ZNF879: variants seen among roughly 807,000 people sequenced by gnomAD.
The protein encoded by ZNF879 is zinc finger protein 879.
In ZNF879, 32 loss-of-function variants were observed where a neutral mutation model predicts 44.3. The ratio of observed to expected loss-of-function variants is 0.72; its 90% CI spans 0.54 to 0.97. The LOEUF (loss-of-function observed/expected upper bound fraction) is 0.97. Among genes scored for constraint, ZNF879 ranks in the 50% least tolerant of loss-of-function variants. The probability of loss-of-function intolerance (pLI) is 0.00; values close to 1 mark genes in which losing one functional copy is unlikely to be tolerated. For missense variants in ZNF879, 621 were observed against 669.7 expected, an observed-to-expected ratio of 0.93 and a Z score of 0.80; for synonymous variants, 234 against 233.2, an observed-to-expected ratio of 1.00 and a Z score of -0.03.
At chr5:179,027,336 A>T in intron 2 of ZNF879, 137 bp from the exon 3 acceptor site, 1 of 1,249,168 alleles carries the variant, frequency 8.0e-7, no homozygotes, top group Non-Finnish European at 1.1e-6. Flanking sequence ...GGTAAATGAT[A>T]AATGTGTGCT....
chr5:179,031,849 C>A (rs1272101208), intron 4 of ZNF879, among the ~76,000 whole-genome samples: 1 of 152,220 alleles, frequency 6.6e-6, no homozygotes, highest in East Asian at 1.9e-4. Flanking sequence ...ATTTTAGCCC[C>A]TCTGCAGTTT....
intron 2 of ZNF879, among the ~76,000 whole-genome samples, chr5:179,025,346 C>T (rs575412599): frequency 6.6e-6 from 1 of 152,200 alleles, no homozygotes; most frequent in East Asian, 1.9e-4. Context: ...TGTGCCACCA[C>T]ACCCAGCTAA....
chr5:179,026,275 A>T (rs1761267255), intron 2 of ZNF879, among the ~76,000 whole-genome samples: 1 of 152,174 alleles, frequency 6.6e-6, no homozygotes. Flanking sequence ...ACTGGGCAGC[A>T]TGTAAACAGT....
intron 2 of ZNF879, among the ~76,000 whole-genome samples, chr5:179,026,895 G>A (rs1761288314): frequency 6.6e-6 from 1 of 152,198 alleles, no homozygotes; most frequent in Non-Finnish European, 1.5e-5. Context: ...GGGGTGGGGA[G>A]GGAGACTACT....
rs1405416351 is a variant in ZNF879 at position 179,032,700 on chromosome 5, T to C, written c.752T>C (p.Leu251Ser). The C allele has an allele frequency of 1.3e-6, 2 of 1,559,010 alleles. No individual in the cohort carries two copies. Among genetic ancestry groups the C allele is most frequent in the Middle Eastern group, 1.7e-4 (1 of 6,012 alleles). ...CAAAGCTCATCCCTAACTCAGCACT[T>C]GAGGGTTCATACAGGAGAGAAACCT... ...FSQSSSLTQH[L>S]RVHTGEKPYI... Residue 251 changes from leucine to serine, a missense_variant, in exon 5 of 5, where the codon TTG becomes TCG. Leu to Ser is a moderately radical substitution (Grantham distance 145, BLOSUM62 -2). Transcript: ENST00000444149.
chr5:179,026,517 C>T (rs1241085485), intron 2 of ZNF879, among the ~76,000 whole-genome samples: 1 of 152,140 alleles, frequency 6.6e-6, no homozygotes, highest in Admixed American at 6.5e-5. Context: ...GGATCTTACT[C>T]TGTTGCCCAG....
Position 179,033,186 on chromosome 5 carries a change from C to G in ZNF879, c.1238C>G (p.Ser413Ter). The stretch of plus-strand genomic sequence containing the variant: ...TGTGGGAAAGCCTTCAGCCAAAGCT[C>G]AGCTCTCATACAACATCAAAGAATT... ...KECGKAFSQS[S>*]ALIQHQRIHT... is the part of the protein sequence containing the mutation. Residue 413 changes from serine (S) to a stop codon, truncating the protein, a stop_gained, in exon 5 of 5, where the codon TCA (serine) becomes TGA (stop). Transcript: ENST00000444149. LOFTEE classifies it high-confidence loss of function. 1 of 1,594,716 alleles carries G rather than the reference C, an allele frequency of 6.3e-7. No homozygotes were observed. The highest frequency in any genetic ancestry group is 1.3e-5 in the African/African-American group (1 of 74,234).
At chr5:179,028,589 A>G (rs1237119019) in intron 4 of ZNF879, among the ~76,000 whole-genome samples, 2 of 152,154 alleles carry the variant, frequency 1.3e-5, no homozygotes, top group Non-Finnish European at 2.9e-5. Context: ...AAGCAGATAT[A>G]TGTGTATGTA....
chr5:179,026,099 A>C (rs146432789), intron 2 of ZNF879, among the ~76,000 whole-genome samples: 1 of 148,688 alleles, frequency 6.7e-6, no homozygotes, highest in Non-Finnish European at 1.5e-5. Flanking sequence ...AAAAAAAAAA[A>C]AAACAAAGAA....
chr5:179,032,475 T>C lies in ZNF879; in HGVS notation c.527T>C (p.Ile176Thr), dbSNP rs986143883. The change falls in exon 5 of 5, where the codon ATA becomes ACA. Residue 176 changes from isoleucine to threonine, a missense_variant. Physicochemically the swap from Ile to Thr is moderately conservative, Grantham distance 89 (BLOSUM62 -1). Coordinates refer to ENST00000444149, the MANE Select transcript of ZNF879 (RefSeq NM_001136116.3). ...TCATCGCTTATTAGAAAACCGAGAA[T>C]AGTTTCCAGAGGAAGGAGACCCCGT... is the stretch of plus-strand genomic sequence containing the variant. The part of the protein sequence containing the change: ...LKSSLIRKPR[I>T]VSRGRRPRSQ... 12 of 1,551,556 alleles carry C rather than the reference T, an allele frequency of 7.7e-6. No individual in the cohort carries two copies. The highest frequency in any genetic ancestry group is 1.4e-5 in the African/African-American group (1 of 73,042).
Position 179,032,829 on chromosome 5 carries a change from GA to G in ZNF879, c.886del (p.Thr296HisfsTer64), listed in dbSNP as rs1490942512. ...GERPYKCKEC[G>X]KTFKGSSSLN... ...AGACCTTATAAATGCAAGGAATGTGGAAAAACATTTAAAGGTAGTTCATCTC... is the reference window on the plus strand; with the variant it reads ...AGACCTTATAAATGCAAGGAATGTGGAAAACATTTAAAGGTAGTTCATCTC... On this transcript the variant is annotated frameshift_variant, in exon 5 of 5. Transcript: ENST00000444149. LOFTEE classifies it high-confidence loss of function. 6.4e-7 allele frequency: 1 copy of G among 1,556,052 alleles called. No individual in the cohort carries two copies. The highest frequency in any genetic ancestry group is 1.2e-5 in the South Asian group (1 of 84,426).
intron 4 of ZNF879, among the ~76,000 whole-genome samples, chr5:179,028,378 T>C (rs1761328376): frequency 6.6e-6 from 1 of 152,184 alleles, no homozygotes; most frequent in African/African-American, 2.4e-5. Flanking sequence ...TGTGTAAAGG[T>C]TTATAATTCT....
Position 179,033,392 on chromosome 5 carries a change from A to G in ZNF879, c.1444A>G (p.Lys482Glu). 6.4e-7 allele frequency: 1 copy of G among 1,557,780 alleles called. No individual in the cohort carries two copies. The highest frequency in any genetic ancestry group is 8.7e-7 in the Non-Finnish European group (1 of 1,150,694). Reference sequence around the variant, plus strand: ...TCATCGAAAAATTCATACTGGAGAAAAACCTTATAAATGTAATGACTGTGA... The same window carrying G: ...TCATCGAAAAATTCATACTGGAGAAGAACCTTATAAATGTAATGACTGTGA... ...NTHRKIHTGE[K>E]PYKCNDCEKA... Residue 482 changes from lysine (K) to glutamate (E), a missense_variant, in exon 5 of 5, where the codon AAA becomes GAA. By Grantham distance (56) the Lys-to-Glu change is moderately conservative. Coordinates refer to ENST00000444149, the MANE Select transcript of ZNF879 (RefSeq NM_001136116.3).
At chr5:179,025,696 C>G (rs1174805702) in intron 2 of ZNF879, among the ~76,000 whole-genome samples, 2 of 151,976 alleles carry the variant, frequency 1.3e-5, no homozygotes, top group Non-Finnish European at 1.5e-5. Context: ...GTGGGCAGAT[C>G]ACTTGAGGTC....
Position 179,023,920 on chromosome 5 carries a change from G to C in ZNF879, c.-36+16G>C. 1 of 152,574 alleles carries C rather than the reference G, an allele frequency of 6.6e-6. No homozygotes were observed. The allele number at this position is 152,574 out of a possible 1,614,324, so 9.5% of individuals were successfully genotyped here. Reference sequence around the variant, plus strand: ...GCGGGCCCAGGTACAGGCTGCCGGTGAGGGCGGGCCCGGGGCGTGCGGCTG... The same window carrying C: ...GCGGGCCCAGGTACAGGCTGCCGGTCAGGGCGGGCCCGGGGCGTGCGGCTG... On this transcript the variant is annotated intron_variant, in intron 1 of 4. Coordinates refer to ENST00000444149, the MANE Select transcript of ZNF879 (RefSeq NM_001136116.3).
rs1761473327 is a variant in ZNF879, at chr5:179,032,950, C to T, written c.1002C>T (p.His334=). 6.4e-7 allele frequency: 1 copy of T among 1,560,064 alleles called. No individual in the cohort carries two copies. Among genetic ancestry groups the T allele is most frequent in the Non-Finnish European group, 8.7e-7 (1 of 1,152,084 alleles). ...AFSQCSSLIQ[H]HRIHTGEKPY... ...GTCAGTGCTCATCTCTCATTCAGCA[C>T]CACAGAATTCATACTGGGGAGAAAC... The change falls in exon 5 of 5, where the codon CAC becomes CAT. Residue 334 remains histidine, a synonymous_variant. Transcript: ENST00000444149.
chr5:179,032,860 TA>T lies in ZNF879; in HGVS notation c.914del (p.Asn305IlefsTer55). On this transcript the variant is annotated frameshift_variant, in exon 5 of 5. Coordinates refer to ENST00000444149, the MANE Select transcript of ZNF879 (RefSeq NM_001136116.3). LOFTEE classifies it high-confidence loss of function. Reference protein sequence around the residue: ...KTFKGSSSLNNHQRIHTGEKP... With the variant: ...KTFKGSSSLNXHQRIHTGEKP... ...CATTTAAAGGTAGTTCATCTCTTAA[TA>T]ATCACCAGCGAATTCACACAGGAGA... The T allele has an allele frequency of 6.4e-7, 1 of 1,564,788 alleles. No individual in the cohort carries two copies. The highest frequency in any genetic ancestry group is 8.7e-7 in the Non-Finnish European group (1 of 1,154,596).
chr5:179,032,768 T>A lies in ZNF879; in HGVS notation c.820T>A (p.Ser274Thr). The A allele has an allele frequency of 6.4e-7, 1 of 1,554,022 alleles. No homozygotes were observed. The highest frequency in any genetic ancestry group is 8.7e-7 in the Non-Finnish European group (1 of 1,148,588). Residue 274 changes from serine to threonine, a missense_variant, in exon 5 of 5, where the codon TCT (serine) becomes ACT (threonine). Coordinates refer to ENST00000444149, the MANE Select transcript of ZNF879 (RefSeq NM_001136116.3). Reference sequence around the variant, plus strand: ...TGGAAAAGCCTTCAGTTTCACCACATCTCTTATTGGACACCAGAGAATGCA... The same window carrying A: ...TGGAAAAGCCTTCAGTTTCACCACAACTCTTATTGGACACCAGAGAATGCA... ...ECGKAFSFTT[S>T]LIGHQRMHTG...
intron 2 of ZNF879, among the ~76,000 whole-genome samples, chr5:179,026,102 A>C (rs1761262646): frequency 6.6e-6 from 1 of 151,152 alleles, no homozygotes; most frequent in African/African-American, 2.4e-5. Context: ...AAAAAAAAAA[A>C]CAAAGAAAGA....
Sources: allele counts gnomAD v4.1 joint callset (sites outside exome capture counted in the v4.1 genomes callset), GRCh38; gene constraint gnomAD v4.1.1; transcripts MANE v1.5; gene names NCBI Gene and HGNC (gene_info 2026-07-23, HGNC 2026-07-21).